TSHZ2: variants seen among roughly 807,000 people sequenced by gnomAD.
The protein encoded by TSHZ2 is teashirt zinc finger homeobox 2, also known as teashirt homolog 2.
In TSHZ2, 21 loss-of-function variants were observed where a neutral mutation model predicts 74.4. The ratio of observed to expected loss-of-function variants is 0.28; its 90% CI spans 0.20 to 0.41. The LOEUF is 0.41. Ranked by LOEUF, TSHZ2 falls within the 10% of genes least tolerant of loss-of-function variation. The pLI is 1.00. For missense variants in TSHZ2, 1,244 were observed against 1,293.5 expected (o/e 0.96, Z 0.59); for synonymous variants, 540 against 515.3 (o/e 1.05, Z -0.65).
chr20:53,191,401 G>T (rs909063881), intron 1 of TSHZ2, among the ~76,000 whole-genome samples: 1 of 152,172 alleles, frequency 6.6e-6, no homozygotes, highest in Non-Finnish European at 1.5e-5. Flanking sequence ...GGTGGCTCAC[G>T]CTTGTAATCT....
chr20:53,095,422 G>A (rs141064106), intron 1 of TSHZ2, among the ~76,000 whole-genome samples: 2 of 152,284 alleles, frequency 1.3e-5, no homozygotes, highest in East Asian at 1.9e-4. Context: ...TAGGACATGC[G>A]ACAGCTGGAG....
intron 1 of TSHZ2, among the ~76,000 whole-genome samples, chr20:53,085,235 GGCA>G (rs1417160662): frequency 6.6e-6 from 1 of 151,962 alleles, no homozygotes; most frequent in Non-Finnish European, 1.5e-5. Context: ...CGTGGTGGCG[GGCA>G]CCTATAATCC....
chr20:53,272,940 T>G (rs772667109), intron 2 of TSHZ2, among the ~76,000 whole-genome samples: 19 of 152,098 alleles, frequency 1.2e-4, no homozygotes, highest in Non-Finnish European at 2.4e-4. Flanking sequence ...CAAGGAAATA[T>G]GGGGTAGTGC....
intron 1 of TSHZ2, among the ~76,000 whole-genome samples, chr20:53,038,896 G>GTTTTT (rs374364980): frequency 9.3e-5 from 13 of 140,514 alleles, no homozygotes; most frequent in Middle Eastern, 3.5e-3. Flanking sequence ...TTGTTTGTTT[G>GTTTTT]TTTGTTTGTT....
intron 2 of TSHZ2, among the ~76,000 whole-genome samples, chr20:53,428,821 GTGA>G (rs1983741864): frequency 6.6e-6 from 1 of 152,152 alleles, no homozygotes; most frequent in Admixed American, 6.5e-5. Flanking sequence ...TGTCATGCAT[GTGA>G]ATGACAGGCA....
At chr20:53,119,226 C>A (rs956962812) in intron 1 of TSHZ2, among the ~76,000 whole-genome samples, 3 of 152,156 alleles carry the variant, frequency 2.0e-5, no homozygotes, top group Non-Finnish European at 4.4e-5. Context: ...CAAAAAAGAT[C>A]TATTTTTCCA....
chr20:52,988,150 A>G (rs1206965074), intron 1 of TSHZ2, among the ~76,000 whole-genome samples: 1 of 152,182 alleles, frequency 6.6e-6, no homozygotes, highest in East Asian at 1.9e-4. Context: ...AATGATGAAC[A>G]TGACACTAAC....
At chr20:53,483,908 A>T (rs1374951463) in intron 2 of TSHZ2, among the ~76,000 whole-genome samples, 1 of 152,244 alleles carries the variant, frequency 6.6e-6, no homozygotes, top group East Asian at 1.9e-4. Flanking sequence ...AATAAAACAA[A>T]GTTCCATGAA....
Position 52,994,443 on chromosome 20 carries a change from T to A in TSHZ2, c.40+21110T>A, listed in dbSNP as rs1035456613. On this transcript the variant is annotated intron_variant, in intron 1 of 2. Transcript: ENST00000371497. ...ATGGATGGATGGATGGATGAGTGAA[T>A]GAATGGACGGATGGATGGATGGATG... is the stretch of plus-strand genomic sequence containing the variant. Among the ~76,000 whole-genome samples the A allele has an allele frequency of 4.2e-5, 6 of 143,172 alleles. No individual in the cohort carries two copies. The Middle Eastern group carries it at 0.017, about 417-fold the overall frequency. 93.9% of individuals were successfully genotyped at this position (143,172 alleles called of 152,430 possible).
At chr20:53,385,427 C>T (rs546522969) in intron 2 of TSHZ2, among the ~76,000 whole-genome samples, 6 of 152,162 alleles carry the variant, frequency 3.9e-5, no homozygotes, top group South Asian at 2.1e-4. Context: ...GATACTGGGG[C>T]GCCCCAAAGG....
At chr20:53,045,096 A>G (rs1984180162) in intron 1 of TSHZ2, among the ~76,000 whole-genome samples, 1 of 152,154 alleles carries the variant, frequency 6.6e-6, no homozygotes, top group Non-Finnish European at 1.5e-5. Context: ...TAAAACAACA[A>G]AGATGCATTT....
chr20:53,457,362 CTGT>C (rs1985139961), intron 2 of TSHZ2, among the ~76,000 whole-genome samples: 1 of 112,806 alleles, frequency 8.9e-6, no homozygotes, highest in African/African-American at 3.9e-5. Context: ...CTCTGTTTGT[CTGT>C]TGTTGGTGTA....
intron 2 of TSHZ2, among the ~76,000 whole-genome samples, chr20:53,439,248 G>A (rs1018124754): frequency 2.0e-5 from 3 of 152,166 alleles, no homozygotes; most frequent in African/African-American, 7.2e-5. Context: ...CTCTTTTAGG[G>A]AGTATCTTAG....
intron 2 of TSHZ2, among the ~76,000 whole-genome samples, chr20:53,292,622 TA>T (rs746821986): frequency 2.0e-5 from 3 of 152,050 alleles, no homozygotes; most frequent in Non-Finnish European, 2.9e-5. Flanking sequence ...TTTTTTTTAA[TA>T]TTTTTTTGTA....
At chr20:53,364,694 T>C (rs1981190636) in intron 2 of TSHZ2, among the ~76,000 whole-genome samples, 1 of 152,230 alleles carries the variant, frequency 6.6e-6, no homozygotes, top group African/African-American at 2.4e-5. Flanking sequence ...ATTTCCCAGA[T>C]AGAAAAGCCA....
intron 1 of TSHZ2, among the ~76,000 whole-genome samples, chr20:53,082,225 CAT>C (rs1985559009): frequency 1.3e-5 from 2 of 152,302 alleles, no homozygotes; most frequent in Admixed American, 1.3e-4. Flanking sequence ...ATTTTTAAAT[CAT>C]GTGGTAATCC....
chr20:53,200,651 TG>T (rs1237946103), intron 1 of TSHZ2, among the ~76,000 whole-genome samples: 3 of 151,822 alleles, frequency 2.0e-5, no homozygotes, highest in Non-Finnish European at 4.4e-5. Flanking sequence ...GGGGGATTTT[TG>T]TTTGTTTGTT....
At chr20:53,305,545 C>T (rs1412687793) in intron 2 of TSHZ2, among the ~76,000 whole-genome samples, 1 of 152,190 alleles carries the variant, frequency 6.6e-6, no homozygotes, top group Admixed American at 6.5e-5. Flanking sequence ...GTCTGACAAT[C>T]ACAGGGTCTC....
intron 2 of TSHZ2, among the ~76,000 whole-genome samples, chr20:53,293,700 CAA>C (rs11476117): frequency 4.8e-3 from 575 of 120,186 alleles, no homozygotes; most frequent in Middle Eastern, 8.4e-3. Flanking sequence ...AACTGGCTCT[CAA>C]AAAAAAAAAA....
Sources: allele counts gnomAD v4.1 joint callset (sites outside exome capture counted in the v4.1 genomes callset), GRCh38; gene constraint gnomAD v4.1.1; transcripts MANE v1.5; gene names NCBI Gene and HGNC (gene_info 2026-07-23, HGNC 2026-07-21).